The following ACAD9 variants were observed in gnomAD, a reference collection of about 807,000 sequenced individuals.
ACAD9 encodes the protein complex I assembly factor ACAD9, mitochondrial.
In ACAD9, 53 loss-of-function variants were observed where a neutral mutation model predicts 70.2. That is an observed-to-expected ratio of 0.75 (90% confidence interval 0.61 to 0.95). The LOEUF (loss-of-function observed/expected upper bound fraction) is 0.95, where lower values mean the gene tolerates loss of function less well. Among genes scored for constraint, ACAD9 ranks in the 40% least tolerant of loss-of-function variants. The probability of loss-of-function intolerance (pLI) is 0.00; values close to 1 mark genes in which losing one functional copy is unlikely to be tolerated. For synonymous variants in ACAD9, 313 were observed against 312.1 expected (o/e 1.00, Z -0.03); for missense variants, 777 against 802.8 (o/e 0.97, Z 0.39).
chr3:128,899,265 A>G (rs747905614), intron 6 of ACAD9, 22 bp from the exon 7 acceptor site: 8 of 1,613,850 alleles, frequency 5.0e-6, no homozygotes, highest in African/African-American at 1.3e-5. Context: ...GTTTTCTCCA[A>G]AGTCCATCTT....
At position 128,880,000 on chromosome 3, in the gene ACAD9, A is replaced by T. The variant is rs569903396; in HGVS notation, c.150+159A>T. On this transcript the variant is annotated intron_variant, in intron 1 of 17. Coordinates refer to ENST00000308982, the MANE Select transcript of ACAD9 (RefSeq NM_014049.5). ...ACTCCGGATTCCTGAGTTCCAGGAA[A>T]ACCTTCCCAGAGAAAGGGTGAGACA... The T allele has an allele frequency of 3.6e-4, 558 of 1,549,596 alleles. 8 individuals carry two copies. In the South Asian group the frequency reaches 6.4e-3, roughly 18 times the overall value.
At chr3:128,909,192 T>G in intron 14 of ACAD9, 93 bp downstream of exon 14, 1 of 1,600,910 alleles carries the variant, frequency 6.2e-7, no homozygotes, top group East Asian at 2.3e-5. Context: ...GGGTCTGGGC[T>G]TCTCCAGGGG....
At chr3:128,894,592 T>C (rs951040917) in intron 3 of ACAD9, among the ~76,000 whole-genome samples, 5 of 150,010 alleles carry the variant, frequency 3.3e-5, no homozygotes, top group African/African-American at 1.2e-4. Flanking sequence ...TGGAGTGCAG[T>C]GGTGTGGTCA....
chr3:128,910,662 C>CTGA lies in ACAD9; in HGVS notation c.1693-77_1693-75dup, dbSNP rs3830293. The stretch of plus-strand genomic sequence containing the variant: ...ACCCCTGCCATGCTACCCAGTTTGG[C>CTGA]TGATAGGCTGGGTTTTTGAAGCTCA... On this transcript the variant is annotated intron_variant, in intron 16 of 17. Transcript: ENST00000308982. 2.0e-6 allele frequency: 3 copies of CTGA among 1,505,174 alleles called. No homozygotes were observed. In the Admixed American group the frequency reaches 5.0e-5, roughly 25 times the overall value. The allele number at this position is 1,505,174 out of a possible 1,614,324, so 93.2% of individuals were successfully genotyped here.
At chr3:128,895,492 C>A in intron 4 of ACAD9, 76 bp downstream of exon 4, 1 of 1,356,626 alleles carries the variant, frequency 7.4e-7, no homozygotes, top group Non-Finnish European at 1.0e-6. Flanking sequence ...AGGCCAGAGG[C>A]TTGCTCCCTC....
chr3:128,896,711 T>C (rs936292037), intron 5 of ACAD9, among the ~76,000 whole-genome samples, 175 bp downstream of exon 5: 1 of 152,248 alleles, frequency 6.6e-6, no homozygotes, highest in African/African-American at 2.4e-5. Flanking sequence ...CTTATTTCTC[T>C]GTCCCAGTGA....
chr3:128,890,876 G>A (rs1439321321), intron 2 of ACAD9, among the ~76,000 whole-genome samples: 1 of 144,238 alleles, frequency 6.9e-6, no homozygotes, highest in African/African-American at 2.6e-5. Context: ...AAGTCTCACT[G>A]TGTCACCCAG....
At chr3:128,885,877 C>A (rs1935229132) in intron 2 of ACAD9, among the ~76,000 whole-genome samples, 2 of 151,770 alleles carry the variant, frequency 1.3e-5, no homozygotes, top group Admixed American at 1.3e-4. Flanking sequence ...ATTGGCCGGG[C>A]ATGGTGGCGG....
intron 9 of ACAD9, among the ~76,000 whole-genome samples, chr3:128,903,144 G>A (rs944566667): frequency 6.6e-6 from 1 of 152,106 alleles, no homozygotes; most frequent in Non-Finnish European, 1.5e-5. Flanking sequence ...ATTTTCCTTT[G>A]CCAGTGAACT....
rs775494871 is a variant in ACAD9, at chr3:128,901,320, A to G, written c.853A>G (p.Ile285Val). ...FENTKIPVENILGEVGDGFKV... is the reference protein window; with the variant it reads ...FENTKIPVENVLGEVGDGFKV... Reference sequence around the variant, plus strand: ...AAACACCAAGATACCTGTGGAAAACATCCTTGGAGAGGTCGGAGATGGGTT... The same window carrying G: ...AAACACCAAGATACCTGTGGAAAACGTCCTTGGAGAGGTCGGAGATGGGTT... Residue 285 changes from isoleucine (I) to valine (V), a missense_variant, in exon 8 of 18, where the codon ATC becomes GTC. Ile to Val is a conservative substitution (Grantham distance 29). Coordinates refer to ENST00000308982, the MANE Select transcript of ACAD9 (RefSeq NM_014049.5). 6.2e-7 allele frequency: 1 copy of G among 1,614,160 alleles called. No homozygotes were observed. Among genetic ancestry groups the G allele is most frequent in the Admixed American group, 1.7e-5 (1 of 60,014 alleles).
At chr3:128,894,913 G>A (rs951647418) in intron 3 of ACAD9, among the ~76,000 whole-genome samples, 27 of 122,600 alleles carry the variant, frequency 2.2e-4, no homozygotes, top group Non-Finnish European at 2.9e-4. Flanking sequence ...GTCTCTCTCT[G>A]TTGCCCAAGC....
intron 17 of ACAD9, among the ~76,000 whole-genome samples, 157 bp downstream of exon 17, chr3:128,910,970 A>C (rs1936233756): frequency 6.6e-6 from 1 of 152,222 alleles, no homozygotes; most frequent in Middle Eastern, 3.2e-3. Context: ...GCTTAGCTGC[A>C]GCAGTGCCCA....
intron 1 of ACAD9, among the ~76,000 whole-genome samples, chr3:128,880,875 G>A (rs1405501336): frequency 6.6e-6 from 1 of 152,194 alleles, no homozygotes; most frequent in African/African-American, 2.4e-5. Context: ...GCACCTCCCT[G>A]TGCCTCAGTG....
At position 128,895,350 on chromosome 3, in the gene ACAD9, G is replaced by A. The variant is rs1259325758; in HGVS notation, c.387G>A (p.Gly129=). The change falls in exon 4 of 18, where the codon GGG becomes GGA. Residue 129 remains glycine, a synonymous_variant. Coordinates refer to ENST00000308982, the MANE Select transcript of ACAD9 (RefSeq NM_014049.5). The stretch of plus-strand genomic sequence containing the variant: ...CCAACACCATGTACTCAAGACTAGG[G>A]GAGATCATCAGCATGGATGGGTCCA... ...GFSNTMYSRL[G]EIISMDGSIT... 1 of 1,612,996 alleles carries A rather than the reference G, an allele frequency of 6.2e-7. No individual in the cohort carries two copies. The highest frequency in any genetic ancestry group is 8.5e-7 in the Non-Finnish European group (1 of 1,179,564).
Position 128,902,491 on chromosome 3 carries a change from C to A in ACAD9, c.883-62C>A. ...CAAGCTGATCCACCTGGCCTGGTTT[C>A]GTTGCGGCCTCCTCCCTCTGCCTCC... is the stretch of plus-strand genomic sequence containing the variant. On this transcript the variant is annotated intron_variant, in intron 8 of 17. Coordinates refer to ENST00000308982, the MANE Select transcript of ACAD9 (RefSeq NM_014049.5). This position sits in a 1 kb window ranked among gnomAD's most constrained non-coding sequence, Gnocchi z 4.0. 6.4e-7 allele frequency: 1 copy of A among 1,571,064 alleles called. No individual in the cohort carries two copies. The highest frequency in any genetic ancestry group is 8.8e-7 in the Non-Finnish European group (1 of 1,141,148).
rs1397276650 is a variant in ACAD9, at chr3:128,912,940, G to A, written c.*333G>A. 1.9e-6 allele frequency: 1 copy of A among 518,588 alleles called. No homozygotes were observed. The highest frequency in any genetic ancestry group is 3.8e-6 in the Non-Finnish European group (1 of 266,520). 32.1% of individuals were successfully genotyped at this position (518,588 alleles called of 1,614,324 possible). ...GCTGCTGCCTCCAGGGTGTGAGGTG[G>A]GTGGGGACCTGTGTCAGGTGTGGAT... On this transcript the variant is annotated 3_prime_UTR_variant, in exon 18 of 18. Coordinates refer to ENST00000308982, the MANE Select transcript of ACAD9 (RefSeq NM_014049.5).
intron 1 of ACAD9, among the ~76,000 whole-genome samples, chr3:128,882,121 C>T (rs938550322): frequency 6.6e-6 from 1 of 152,096 alleles, no homozygotes; most frequent in African/African-American, 2.4e-5. Flanking sequence ...CTCAATAGAT[C>T]CTCCCACTTC....
chr3:128,890,930 C>G (rs142835913), intron 2 of ACAD9, among the ~76,000 whole-genome samples: 1 of 151,558 alleles, frequency 6.6e-6, no homozygotes, highest in African/African-American at 2.4e-5. Context: ...CAACCTCTGC[C>G]TCCCAGGTTC....
chr3:128,879,780 T>C lies in ACAD9; in HGVS notation c.89T>C (p.Leu30Pro). The C allele has an allele frequency of 1.2e-6, 2 of 1,613,768 alleles. No individual in the cohort carries two copies. The highest frequency in any genetic ancestry group is 1.7e-6 in the Non-Finnish European group (2 of 1,180,018). The stretch of plus-strand genomic sequence containing the variant: ...GTCTCTACCGCGAACCGGCGGCTAC[T>C]GCGCACCAGCCCGCCTGTACGAGCT... ...LVVSTANRRL[L>P]RTSPPVRAFA... Residue 30 changes from leucine (L) to proline (P), a missense_variant, in exon 1 of 18, where the codon CTG (leucine) becomes CCG (proline). Transcript: ENST00000308982.
Sources: allele counts gnomAD v4.1 joint callset (sites outside exome capture counted in the v4.1 genomes callset), GRCh38; gene constraint gnomAD v4.1.1; non-coding constraint Gnocchi (gnomAD v3.1); transcripts MANE v1.5; gene names NCBI Gene and HGNC (gene_info 2026-07-23, HGNC 2026-07-21).